SLC4A4: variants seen among roughly 807,000 people sequenced by gnomAD.
SLC4A4 encodes solute carrier family 4 member 4.
In SLC4A4, 27 loss-of-function variants were observed where a neutral mutation model predicts 111.5. That is an observed-to-expected ratio of 0.24 (90% CI 0.18 to 0.33). The LOEUF (loss-of-function observed/expected upper bound fraction) is 0.33, where lower values mean the gene tolerates loss of function less well. Among genes scored for constraint, SLC4A4 ranks in the 10% least tolerant of loss-of-function variants. The probability of loss-of-function intolerance (pLI) is 1.00; values close to 1 mark genes in which losing one functional copy is unlikely to be tolerated. For missense variants in SLC4A4, 909 were observed against 1,315.5 expected, an observed-to-expected ratio of 0.69 and a Z score of 4.78; for synonymous variants, 443 against 463.4, an observed-to-expected ratio of 0.96 and a Z score of 0.57.
chr4:71,200,096 G>C (rs554005426), intron 1 of SLC4A4, among the ~76,000 whole-genome samples: 2 of 152,288 alleles, frequency 1.3e-5, no homozygotes, highest in East Asian at 3.9e-4. Flanking sequence ...TGATTGTCTG[G>C]GGATGTGGGA....
intron 6 of SLC4A4, among the ~76,000 whole-genome samples, chr4:71,376,119 GTA>G (rs750415294): frequency 2.3e-4 from 32 of 141,870 alleles, no homozygotes; most frequent in African/African-American, 5.2e-4. Context: ...ATACGTTTGT[GTA>G]TATATATATA....
At chr4:71,428,934 G>A (rs1419255471) in intron 7 of SLC4A4, among the ~76,000 whole-genome samples, 3 of 152,062 alleles carry the variant, frequency 2.0e-5, no homozygotes, top group Admixed American at 2.0e-4. Flanking sequence ...AGAGCCTACA[G>A]GATAACATTC....
Position 71,413,922 on chromosome 4 carries a change from T to C in SLC4A4, c.807+16269T>C, listed in dbSNP as rs114516874. On this transcript the variant is annotated intron_variant, in intron 7 of 25. Transcript: ENST00000264485. ...CCCTTGTGCTTAGGAAGCCCAAATT[T>C]CCCATTTCTTGAGCCACAAAAATCT... Among the ~76,000 whole-genome samples, 354 of 152,226 alleles carry C rather than the reference T, an allele frequency of 2.3e-3. 1 individual carries two copies. Among genetic ancestry groups the C allele is most frequent in the African/African-American group, 8.0e-3 (331 of 41,530 alleles).
chr4:71,311,888 TGTGAGAGAGAGA>T (rs1465472584), intron 3 of SLC4A4, among the ~76,000 whole-genome samples: 12 of 31,502 alleles, frequency 3.8e-4, no homozygotes, highest in African/African-American at 7.2e-4. Flanking sequence ...TGTGCAAGGC[TGTGAGAGAGAGA>T]GAGAGAGAGA....
intron 16 of SLC4A4, among the ~76,000 whole-genome samples, chr4:71,500,947 G>A (rs2149157584): frequency 6.6e-6 from 1 of 152,184 alleles, no homozygotes; most frequent in East Asian, 1.9e-4. Flanking sequence ...GGGGTCTTTT[G>A]TGATTTGATA....
Position 71,357,057 on chromosome 4 carries a change from T to A in SLC4A4, c.600T>A (p.Leu200=). 6.2e-7 allele frequency: 1 copy of A among 1,614,128 alleles called. No individual in the cohort carries two copies. The highest frequency in any genetic ancestry group is 2.2e-5 in the East Asian group (1 of 44,874). ...AGACAGGCCTATTGAAACCTGAACT[T>A]AAGGATAAGGTGACCTATACTTTGC... ...QIETGLLKPE[L]KDKVTYTLLR... The change falls in exon 6 of 26, where the codon CTT becomes CTA. Residue 200 remains leucine, a synonymous_variant. Transcript: ENST00000264485.
At chr4:71,301,421 G>A (rs993509295) in intron 3 of SLC4A4, among the ~76,000 whole-genome samples, 3 of 152,164 alleles carry the variant, frequency 2.0e-5, no homozygotes, top group African/African-American at 2.4e-5. Context: ...ACGGAGTTAG[G>A]AGAGGGAAGA....
chr4:71,305,915 A>G (rs1725644720), intron 3 of SLC4A4, among the ~76,000 whole-genome samples: 1 of 152,136 alleles, frequency 6.6e-6, no homozygotes, highest in East Asian at 1.9e-4. Flanking sequence ...AGAGCTGACA[A>G]TTGAAGAAGC....
chr4:71,301,130 G>T, intron 3 of SLC4A4: 1 of 358,454 alleles, frequency 2.8e-6, no homozygotes, highest in East Asian at 8.1e-5. Flanking sequence ...GTGCCAGCAT[G>T]GGGGATGGGC....
At chr4:71,099,948 G>A (rs1027708932) in intron 2 of SLC4A4, among the ~76,000 whole-genome samples, 2 of 152,060 alleles carry the variant, frequency 1.3e-5, no homozygotes. Context: ...CTCCAAAATT[G>A]AATCAGTAAT....
chr4:71,084,383 A>G (rs1452453126), intron 1 of SLC4A4, among the ~76,000 whole-genome samples: 1 of 151,968 alleles, frequency 6.6e-6, no homozygotes, highest in Non-Finnish European at 1.5e-5. Context: ...ACACCAAATG[A>G]CAGTTTTTTA....
At chr4:71,149,203 C>T (rs1744254162) in intron 2 of SLC4A4, among the ~76,000 whole-genome samples, 2 of 152,034 alleles carry the variant, frequency 1.3e-5, no homozygotes, top group Admixed American at 1.3e-4. Context: ...GCATGATTCT[C>T]TTTCTTGAAT....
upstream of SLC4A4, among the ~76,000 whole-genome samples, chr4:71,184,815 A>G (rs1011736748): frequency 1.3e-5 from 2 of 152,334 alleles, no homozygotes; most frequent in South Asian, 4.1e-4. Context: ...ATGACCTTTC[A>G]AAGGAAAACA....
intron 2 of SLC4A4, among the ~76,000 whole-genome samples, chr4:71,115,269 T>C (rs2148953677): frequency 6.6e-6 from 1 of 151,416 alleles, no homozygotes; most frequent in Admixed American, 6.6e-5. Context: ...CACACCAGCA[T>C]GGCACATGTA....
chr4:71,429,292 A>G (rs1360148921), intron 7 of SLC4A4, among the ~76,000 whole-genome samples: 8 of 152,166 alleles, frequency 5.3e-5, no homozygotes, highest in Non-Finnish European at 1.0e-4. Flanking sequence ...TGTGTGATGC[A>G]TATTACTTGT....
At chr4:71,292,842 GT>G (rs869195687) in intron 3 of SLC4A4, among the ~76,000 whole-genome samples, 3,892 of 110,106 alleles carry the variant, frequency 0.035, 107 homozygotes, top group African/African-American at 0.14. Flanking sequence ...GGTTTTTTTT[GT>G]TTTTTTTTTT....
chr4:71,121,297 C>T (rs1001318301), intron 2 of SLC4A4, among the ~76,000 whole-genome samples: 4 of 152,080 alleles, frequency 2.6e-5, no homozygotes, highest in African/African-American at 9.7e-5. Context: ...GGCGCCCGGT[C>T]TCATCGACTG....
chr4:71,511,063 A>T lies in SLC4A4; in HGVS notation c.2166+13371A>T, dbSNP rs978020826. Among the ~76,000 whole-genome samples the T allele has an allele frequency of 4.6e-5, 7 of 152,228 alleles. No individual in the cohort carries two copies. The East Asian group carries it at 1.3e-3, about 29-fold the overall frequency. On this transcript the variant is annotated intron_variant, in intron 16 of 25. Transcript: ENST00000264485. ...TTTACAATGTATATCTTTTAATGTTATATATCCCTGAACAAATTATTATAG... is the reference window on the plus strand; with the variant it reads ...TTTACAATGTATATCTTTTAATGTTTTATATCCCTGAACAAATTATTATAG...
intron 2 of SLC4A4, among the ~76,000 whole-genome samples, chr4:71,247,250 A>T (rs1578669651): frequency 6.8e-6 from 1 of 148,136 alleles, no homozygotes; most frequent in East Asian, 1.9e-4. Context: ...TATAATATTT[A>T]AAAATATGTT....
Sources: allele counts gnomAD v4.1 joint callset (sites outside exome capture counted in the v4.1 genomes callset), GRCh38; gene constraint gnomAD v4.1.1; transcripts MANE v1.5; gene names NCBI Gene and HGNC (gene_info 2026-07-23, HGNC 2026-07-21).